Variants in PMEL observed in about 807,000 individuals in gnomAD.
The protein encoded by PMEL is premelanosome protein.
In PMEL, 53 loss-of-function variants were observed where a neutral mutation model predicts 64.9. The ratio of observed to expected loss-of-function variants is 0.82; its 90% CI spans 0.66 to 1.03. The LOEUF is 1.03. Ranked by LOEUF, PMEL falls within the 50% of genes least tolerant of loss-of-function variation. PMEL has a pLI of 0.00. For synonymous variants in PMEL, 299 were observed against 316.2 expected, an observed-to-expected ratio of 0.95 and a Z score of 0.58; for missense variants, 716 against 814.9, an observed-to-expected ratio of 0.88 and a Z score of 1.48.
At chr12:55,958,230 C>A in intron 4 of PMEL, 146 bp from the exon 5 acceptor site, 1 of 886,350 alleles carries the variant, frequency 1.1e-6, no homozygotes. Flanking sequence ...TATGGGGGGA[C>A]AGGGAAGGGG....
chr12:55,959,531 G>A (rs1397719364), intron 3 of PMEL, among the ~76,000 whole-genome samples: 3 of 152,020 alleles, frequency 2.0e-5, no homozygotes, highest in Non-Finnish European at 4.4e-5. Flanking sequence ...GGGGCCAGGC[G>A]CAGTGGCTCA....
chr12:55,955,677 A>T lies in PMEL; in HGVS notation c.1557-8T>A. 1 of 1,612,366 alleles carries T rather than the reference A, an allele frequency of 6.2e-7. No homozygotes were observed. The highest frequency in any genetic ancestry group is 8.5e-7 in the Non-Finnish European group (1 of 1,178,830). On this transcript the variant is annotated splice_polypyrimidine_tract_variant and splice_region_variant and intron_variant, in intron 8 of 10. Transcript: ENST00000548747. Reference sequence around the variant, plus strand: ...CAGGCTTCCTTGGGCAGCCTGGAAGAAGTGTCAGCATATATAAGGGGATCT... The same window carrying T: ...CAGGCTTCCTTGGGCAGCCTGGAAGTAGTGTCAGCATATATAAGGGGATCT...
upstream of PMEL, chr12:55,966,362 C>T (rs1889301634): frequency 3.6e-6 from 1 of 277,746 alleles, no homozygotes; most frequent in African/African-American, 2.2e-5. Context: ...AAACAGAACC[C>T]TGCATCCCAA....
Position 55,957,364 on chromosome 12 carries a change from G to T in PMEL, c.939C>A (p.His313Gln), listed in dbSNP as rs765196204. ...TGTTAGGGGCCTCTGCAGTTGGCCT[G>T]TGCCCATCTGTGGTGCCTGGAACTG... is the stretch of plus-strand genomic sequence containing the variant. ...SSPVPGTTDGHRPTAEAPNTT... is the reference protein window; with the variant it reads ...SSPVPGTTDGQRPTAEAPNTT... Residue 313 changes from histidine (H) to glutamine (Q), a missense_variant, in exon 6 of 11, where the codon CAC (histidine) becomes CAA (glutamine). Coordinates refer to ENST00000548747, the MANE Select transcript of PMEL (RefSeq NM_001384361.1). The T allele has an allele frequency of 6.3e-7, 1 of 1,595,744 alleles. No individual in the cohort carries two copies. The highest frequency in any genetic ancestry group is 1.7e-5 in the Admixed American group (1 of 58,946).
rs780010215 is a variant in PMEL at position 55,957,021 on chromosome 12, C to G, written c.1282G>C (p.Ala428Pro). The G allele has an allele frequency of 1.9e-6, 3 of 1,614,112 alleles. No individual in the cohort carries two copies. In the Admixed American group the frequency reaches 5.0e-5, roughly 27 times the overall value. Residue 428 changes from alanine to proline, a missense_variant, in exon 6 of 11, where the codon GCT becomes CCT. Coordinates refer to ENST00000548747, the MANE Select transcript of PMEL (RefSeq NM_001384361.1). ...GGCTCAGGGATAGGTAGCTCTCTAG[C>G]TGTGGTCTCCACCCACTCTGTAGTT... The part of the protein sequence containing the change: ...VTTTEWVETT[A>P]RELPIPEPEG...
rs367764106 is a variant in PMEL at position 55,958,424 on chromosome 12, A to G, written c.469+49T>C. On this transcript the variant is annotated intron_variant, in intron 4 of 10. Coordinates refer to ENST00000548747, the MANE Select transcript of PMEL (RefSeq NM_001384361.1). ...GCCAAAAGAAAGGTGATCAGGTAGA[A>G]AGAAGTAAACACAAGTGTGGATGAT... The G allele has an allele frequency of 1.4e-4, 228 of 1,578,592 alleles. No homozygotes were observed. In the African/African-American group the frequency reaches 2.5e-3, roughly 17 times the overall value.
rs781229299 is a variant in PMEL, at chr12:55,956,215, G to A, written c.1359C>T (p.Ser453=). 10 of 1,608,582 alleles carry A rather than the reference G, an allele frequency of 6.2e-6. No individual in the cohort carries two copies. Residue 453 remains serine (S), a synonymous_variant, in exon 7 of 11, where the codon TCC becomes TCT. Coordinates refer to ENST00000548747, the MANE Select transcript of PMEL (RefSeq NM_001384361.1). ...SIMSTESITG[S]LGPLLDGTAT... ...CTGTACCATCCAGCAGGGGGCCCAG[G>A]GAACCTGGCAGGAGAGGATCAAGGA...
chr12:55,960,210 C>CAA (rs56810428), intron 3 of PMEL, among the ~76,000 whole-genome samples: 59 of 56,262 alleles, frequency 1.0e-3, no homozygotes, highest in African/African-American at 3.1e-3. Context: ...GACTCTGTCT[C>CAA]AAAAAAAAAA....
In PMEL at chr12:55,961,309, G is replaced by A; in HGVS notation, c.334+8C>T. 6.2e-7 allele frequency: 1 copy of A among 1,613,214 alleles called. No homozygotes were observed. Among genetic ancestry groups the A allele is most frequent in the Non-Finnish European group, 8.5e-7 (1 of 1,179,218 alleles). Reference sequence around the variant, plus strand: ...AGGAATAAGGACCTAGAATAGAGAAGTACTCACCATTGATGATGGTATTGT... The same window carrying A: ...AGGAATAAGGACCTAGAATAGAGAAATACTCACCATTGATGATGGTATTGT... On this transcript the variant is annotated splice_region_variant and intron_variant, in intron 3 of 10. Transcript: ENST00000548747.
Position 55,955,761 on chromosome 12 carries a change from C to T in PMEL, c.1556+18G>A. 6.2e-7 allele frequency: 1 copy of T among 1,611,212 alleles called. No individual in the cohort carries two copies. Among genetic ancestry groups the T allele is most frequent in the Non-Finnish European group, 8.5e-7 (1 of 1,177,340 alleles). On this transcript the variant is annotated intron_variant, in intron 8 of 10. Coordinates refer to ENST00000548747, the MANE Select transcript of PMEL (RefSeq NM_001384361.1). ...ACAGTCAACCAAAGAGTTACCAGCA[C>T]ACTAGTGAGACACTCACCCGCCTTG...
At chr12:55,960,386 T>C (rs1435516107) in intron 3 of PMEL, among the ~76,000 whole-genome samples, 5 of 151,982 alleles carry the variant, frequency 3.3e-5, no homozygotes, top group Non-Finnish European at 5.9e-5. Flanking sequence ...ATTTTCTTTT[T>C]TCTTTTTGAG....
intron 3 of PMEL, among the ~76,000 whole-genome samples, chr12:55,959,987 T>C (rs1233165072): frequency 1.3e-5 from 2 of 151,878 alleles, no homozygotes; most frequent in African/African-American, 4.8e-5. Flanking sequence ...TCTCAGGAGT[T>C]TGAGTCATCC....
intron 2 of PMEL, 39 bp downstream of exon 2, chr12:55,961,583 C>G: frequency 6.3e-7 from 1 of 1,595,914 alleles, no homozygotes; most frequent in Non-Finnish European, 8.6e-7. Flanking sequence ...CCTCATCCCA[C>G]TCCCACCATG....
intron 4 of PMEL, 72 bp from the exon 5 acceptor site, chr12:55,958,156 A>G (rs1235106774): frequency 7.3e-6 from 11 of 1,497,674 alleles, no homozygotes. Context: ...CAGGCTTCGA[A>G]ACGGCACTGG....
rs112946849 is a variant in PMEL at position 55,961,297 on chromosome 12, T to C, written c.334+20A>G. On this transcript the variant is annotated intron_variant, in intron 3 of 10. Coordinates refer to ENST00000548747, the MANE Select transcript of PMEL (RefSeq NM_001384361.1). ...AACCTGAGCCCTAGGAATAAGGACCTAGAATAGAGAAGTACTCACCATTGA... is the reference window on the plus strand; with the variant it reads ...AACCTGAGCCCTAGGAATAAGGACCCAGAATAGAGAAGTACTCACCATTGA... 5.6e-4 allele frequency: 906 copies of C among 1,612,556 alleles called. 17 individuals are homozygous for C. The highest frequency in any genetic ancestry group is 5.5e-3 in the East Asian group (245 of 44,852).
intron 5 of PMEL, 90 bp downstream of exon 5, chr12:55,957,833 C>T: frequency 6.5e-7 from 1 of 1,550,248 alleles, no homozygotes; most frequent in Non-Finnish European, 8.8e-7. Context: ...TAAGTTTGCA[C>T]AGCATTTCAC....
At position 55,957,032 on chromosome 12, in the gene PMEL, A is replaced by C; in HGVS notation, c.1271T>G (p.Val424Gly). 6.2e-7 allele frequency: 1 copy of C among 1,614,204 alleles called. No individual in the cohort carries two copies. The highest frequency in any genetic ancestry group is 8.5e-7 in the Non-Finnish European group (1 of 1,180,024). Residue 424 changes from valine (V) to glycine (G), a missense_variant, in exon 6 of 11, where the codon GTG (valine) becomes GGG (glycine). Val to Gly is a moderately radical substitution (Grantham distance 109). Transcript: ENST00000548747. ...AGGTAGCTCTCTAGCTGTGGTCTCC[A>C]CCCACTCTGTAGTTGTTACCTGTGC... ...TAAQVTTTEW[V>G]ETTARELPIP...
intron 1 of PMEL, 43 bp downstream of exon 1, chr12:55,965,893 T>C (rs934189243): frequency 8.7e-6 from 14 of 1,612,548 alleles, no homozygotes; most frequent in African/African-American, 1.3e-5. Context: ...GGGGAATTCA[T>C]CCCCAAGTTC....
chr12:55,960,823 A>G lies in PMEL; in HGVS notation c.334+494T>C, dbSNP rs1174220175. Among the ~76,000 whole-genome samples the G allele has an allele frequency of 2.7e-5, 4 of 150,354 alleles. No individual in the cohort carries two copies. In the East Asian group the frequency reaches 8.0e-4, roughly 30 times the overall value. ...CGGCCTCCCGAAGTGCTGCGATTAC[A>G]GGCGTGAGCCACCGCGCCCGGCCTT... On this transcript the variant is annotated intron_variant, in intron 3 of 10. Transcript: ENST00000548747.
Sources: allele counts gnomAD v4.1 joint callset (sites outside exome capture counted in the v4.1 genomes callset), GRCh38; gene constraint gnomAD v4.1.1; transcripts MANE v1.5; gene names NCBI Gene and HGNC (gene_info 2026-07-23, HGNC 2026-07-21).